SYN3: variants seen among roughly 807,000 people sequenced by gnomAD.
The protein encoded by SYN3 is synapsin III.
Under a neutral mutation model 65.8 loss-of-function variants are expected in SYN3, and 35 were observed. The observed-to-expected ratio is 0.53, with a 90% CI of 0.41 to 0.70. The LOEUF (loss-of-function observed/expected upper bound fraction) is 0.70. SYN3 is among the 30% of genes least tolerant of loss of function. The probability of loss-of-function intolerance (pLI) is 0.00; values close to 1 mark genes in which losing one functional copy is unlikely to be tolerated. For missense variants in SYN3, 680 were observed against 749.0 expected, an observed-to-expected ratio of 0.91 and a Z score of 1.08; for synonymous variants, 270 against 292.9, an observed-to-expected ratio of 0.92 and a Z score of 0.80.
chr22:32,724,487 GTCT>G (rs1044715942), intron 6 of SYN3, among the ~76,000 whole-genome samples: 4 of 152,278 alleles, frequency 2.6e-5, no homozygotes, highest in East Asian at 1.9e-4. Context: ...GTGCCTCAGT[GTCT>G]TCTTCTCCTT....
chr22:32,815,195 G>A (rs2047055704), intron 6 of SYN3, among the ~76,000 whole-genome samples: 3 of 152,168 alleles, frequency 2.0e-5, no homozygotes, highest in Admixed American at 2.0e-4. Flanking sequence ...AGGGATATGG[G>A]GCTGTTCGAG....
chr22:33,044,326 C>CT (rs925388318), intron 1 of SYN3, among the ~76,000 whole-genome samples: 1 of 152,178 alleles, frequency 6.6e-6, no homozygotes, highest in African/African-American at 2.4e-5. Context: ...TCACGTGAGA[C>CT]TTTGACAGCA....
chr22:32,635,582 T>C (rs1205576869), intron 6 of SYN3, among the ~76,000 whole-genome samples: 1 of 152,228 alleles, frequency 6.6e-6, no homozygotes, highest in Non-Finnish European at 1.5e-5. Context: ...TCAAGGTCCC[T>C]GGTGCAATGC....
At chr22:32,721,646 T>C (rs567971523) in intron 6 of SYN3, among the ~76,000 whole-genome samples, 162 of 152,338 alleles carry the variant, frequency 1.1e-3, no homozygotes, top group Admixed American at 9.3e-3. Flanking sequence ...ATGTGCCAGA[T>C]TCCCCCCAGC....
intron 6 of SYN3, among the ~76,000 whole-genome samples, chr22:32,691,220 T>C (rs2147155479): frequency 6.6e-6 from 1 of 152,210 alleles, no homozygotes; most frequent in African/African-American, 2.4e-5. Context: ...CTGTGGAACA[T>C]CAACACAGCT....
intron 6 of SYN3, among the ~76,000 whole-genome samples, chr22:32,761,596 G>A (rs900669258): frequency 6.6e-6 from 1 of 152,186 alleles, no homozygotes; most frequent in Non-Finnish European, 1.5e-5. Context: ...TGGGGCAGGT[G>A]CTTCTGGTGG....
intron 7 of SYN3, among the ~76,000 whole-genome samples, chr22:32,543,110 T>C (rs1213403262): frequency 1.3e-5 from 2 of 152,080 alleles, no homozygotes; most frequent in Non-Finnish European, 2.9e-5. Flanking sequence ...TGCCTGCCCT[T>C]TGTGGCTCAG....
chr22:32,530,733 G>A (rs907476728), intron 10 of SYN3, among the ~76,000 whole-genome samples: 2 of 152,048 alleles, frequency 1.3e-5, no homozygotes, highest in African/African-American at 2.4e-5. Flanking sequence ...GGCTGGGCGC[G>A]GTGGCTCACG....
chr22:32,997,520 A>T (rs1252895115), intron 2 of SYN3, among the ~76,000 whole-genome samples: 1 of 152,104 alleles, frequency 6.6e-6, no homozygotes, highest in Non-Finnish European at 1.5e-5. Context: ...GAGCAGGTGC[A>T]TGGTTTCTCC....
chr22:32,541,505 G>A (rs1569020421), intron 8 of SYN3, 66 bp downstream of exon 8: 34 of 1,591,634 alleles, frequency 2.1e-5, no homozygotes, highest in African/African-American at 9.4e-5. Flanking sequence ...AGGAGACAGC[G>A]GCTGGACATG....
At position 32,508,375 on chromosome 22, in the gene SYN3, C is replaced by T. The variant is rs536887693; in HGVS notation, c.*5317G>A. Among the ~76,000 whole-genome samples, 79 of 152,246 alleles carry T rather than the reference C, an allele frequency of 5.2e-4. No homozygotes were observed. Among genetic ancestry groups the T allele is most frequent in the African/African-American group, 1.6e-3 (65 of 41,544 alleles). On this transcript the variant is annotated 3_prime_UTR_variant, in exon 14 of 14. Transcript: ENST00000358763. ...CATTACCTTCCCAAATCCTATAAAA[C>T]GGCCCCATCCCTACTCCCTTTGCTG...
At chr22:32,691,302 C>T (rs751731927) in intron 6 of SYN3, among the ~76,000 whole-genome samples, 2 of 152,100 alleles carry the variant, frequency 1.3e-5, no homozygotes, top group Non-Finnish European at 2.9e-5. Flanking sequence ...CAGGATGCCA[C>T]CCATGAAGAC....
intron 6 of SYN3, among the ~76,000 whole-genome samples, chr22:32,667,079 G>A (rs1216588484): frequency 6.6e-6 from 1 of 152,144 alleles, no homozygotes; most frequent in Non-Finnish European, 1.5e-5. Context: ...GCTAAATTAT[G>A]CCCCTTTTTG....
intron 6 of SYN3, among the ~76,000 whole-genome samples, chr22:32,658,100 A>AAGG (rs1180264139): frequency 3.6e-4 from 55 of 152,258 alleles, no homozygotes; most frequent in African/African-American, 9.6e-4. Flanking sequence ...AGAGAGAAAA[A>AAGG]AGGAGGGTGG....
chr22:32,731,739 C>A (rs1381070962), intron 6 of SYN3, among the ~76,000 whole-genome samples: 4 of 152,144 alleles, frequency 2.6e-5, no homozygotes. Context: ...AATGACAAAG[C>A]CCTTTACAAG....
intron 6 of SYN3, among the ~76,000 whole-genome samples, chr22:32,864,424 T>C (rs1384558103): frequency 1.3e-5 from 2 of 152,154 alleles, no homozygotes; most frequent in Non-Finnish European, 2.9e-5. Flanking sequence ...TAAGCCCTGC[T>C]TCCCAGAGGA....
rs542999956 is a variant in SYN3 at position 32,551,216 on chromosome 22, T to C, written c.775-9503A>G. On this transcript the variant is annotated intron_variant, in intron 7 of 13. Transcript: ENST00000358763. Reference sequence around the variant, plus strand: ...AATGCCAAGGCCACTGGGGAAAGGCTGATGGGAAACTTGATAATGTGTGGA... The same window carrying C: ...AATGCCAAGGCCACTGGGGAAAGGCCGATGGGAAACTTGATAATGTGTGGA... Among the ~76,000 whole-genome samples the C allele has an allele frequency of 9.4e-4, 143 of 152,260 alleles. 1 individual carries two copies. The highest frequency in any genetic ancestry group is 3.4e-3 in the African/African-American group (140 of 41,560).
chr22:32,657,967 G>C (rs2060165119), intron 6 of SYN3, among the ~76,000 whole-genome samples: 1 of 152,188 alleles, frequency 6.6e-6, no homozygotes, highest in Non-Finnish European at 1.5e-5. Context: ...TACTCATCCT[G>C]AATCTCCCTC....
At chr22:32,585,949 C>CGT (rs2059021980) in intron 7 of SYN3, among the ~76,000 whole-genome samples, 1 of 33,258 alleles carries the variant, frequency 3.0e-5, no homozygotes, top group Admixed American at 4.8e-4. Context: ...TGTATGTATA[C>CGT]ATATATGTGT....
Sources: allele counts gnomAD v4.1 joint callset (sites outside exome capture counted in the v4.1 genomes callset), GRCh38; gene constraint gnomAD v4.1.1; transcripts MANE v1.5; gene names NCBI Gene and HGNC (gene_info 2026-07-23, HGNC 2026-07-21).